Variants in LYSMD4 observed in about 807,000 individuals in gnomAD.
LYSMD4 encodes the protein lysM and putative peptidoglycan-binding domain-containing protein 4.
LYSMD4 carries 9 observed loss-of-function variants against 6.1 expected under a neutral mutation model. The ratio of observed to expected loss-of-function variants is 1.47; its 90% CI spans 0.88 to 2.56. LYSMD4 has a LOEUF of 2.56. LYSMD4 is among the 30% of genes most tolerant of loss of function. LYSMD4 has a pLI of 0.00. For missense variants in LYSMD4, 384 were observed against 373.5 expected, an observed-to-expected ratio of 1.03 and a Z score of -0.23; for synonymous variants, 143 against 148.5, an observed-to-expected ratio of 0.96 and a Z score of 0.27.
chr15:99,729,146 G>C lies in LYSMD4; in HGVS notation c.868C>G (p.Gln290Glu), dbSNP rs1157609839. ...AVTSADSQFS[Q>E]TTQAGS ...GCTTAGCTCCCCGCTTGGGTGGTCT[G>C]ACTGAACTGGCTGTCTGCAGAAGTG... The change falls in exon 3 of 3, where the codon CAG becomes GAG. Residue 290 changes from glutamine to glutamate, a missense_variant. By Grantham distance (29) the Gln-to-Glu change is conservative. Transcript: ENST00000684762. The C allele has an allele frequency of 6.2e-7, 1 of 1,613,796 alleles. No individual in the cohort carries two copies. The highest frequency in any genetic ancestry group is 8.5e-7 in the Non-Finnish European group (1 of 1,179,688).
At chr15:99,722,999 C>T (rs1268622384), downstream of LYSMD4, among the ~76,000 whole-genome samples, 1 of 151,870 alleles carries the variant, frequency 6.6e-6, no homozygotes, top group African/African-American at 2.4e-5. Flanking sequence ...CCAGTACACT[C>T]CAGCCTGGGT....
Position 99,729,215 on chromosome 15 carries a change from C to A in LYSMD4, c.799G>T (p.Val267Phe), listed in dbSNP as rs142195798. ...IPNGSMAMGTVPGQAPRLAVA... is the reference protein window; with the variant it reads ...IPNGSMAMGTFPGQAPRLAVA... ...GCTAGTCTGGGGGCTTGCCCTGGAA[C>A]TGTACCCATTGCCATCGAGCCATTG... Residue 267 changes from valine (V) to phenylalanine (F), a missense_variant, in exon 3 of 3, where the codon GTT becomes TTT. Val to Phe is a conservative substitution (Grantham distance 50). Coordinates refer to ENST00000684762, the MANE Select transcript of LYSMD4 (RefSeq NM_001284417.2). The A allele has an allele frequency of 6.2e-7, 1 of 1,614,254 alleles. No homozygotes were observed. Among genetic ancestry groups the A allele is most frequent in the Admixed American group, 1.7e-5 (1 of 60,026 alleles).
At chr15:99,721,361 G>A (rs2059236716), upstream of LYSMD4, among the ~76,000 whole-genome samples, 1 of 152,138 alleles carries the variant, frequency 6.6e-6, no homozygotes, top group Non-Finnish European at 1.5e-5. Context: ...AAGGAGCCAG[G>A]GTGACACTGC....
downstream of LYSMD4, among the ~76,000 whole-genome samples, chr15:99,723,827 G>A (rs1228819465): frequency 6.9e-6 from 1 of 144,142 alleles, no homozygotes; most frequent in Admixed American, 6.7e-5. Flanking sequence ...ACTGTGACCA[G>A]CATTCTTCAC....
At chr15:99,717,309 G>C (rs563086376) in exon 1 of LYSMD4, 6 of 152,486 alleles carry the variant, frequency 3.9e-5, no homozygotes, top group African/African-American at 1.4e-4. Flanking sequence ...TGGGTGCCTT[G>C]CTCTAGGCAG....
intron 2 of LYSMD4, among the ~76,000 whole-genome samples, chr15:99,730,337 T>C (rs1313650790): frequency 1.3e-5 from 2 of 152,218 alleles, no homozygotes; most frequent in Non-Finnish European, 2.9e-5. Flanking sequence ...TGTACTTAAC[T>C]GTCAGGAAAA....
chr15:99,732,816 CCT>C (rs1411935153), intron 1 of LYSMD4: 1 of 152,520 alleles, frequency 6.6e-6, no homozygotes, highest in East Asian at 1.9e-4. Flanking sequence ...AGCTCGACCC[CCT>C]ACTCCCCGCC....
At chr15:99,725,934 G>C (rs1446595704), downstream of LYSMD4, among the ~76,000 whole-genome samples, 1 of 152,146 alleles carries the variant, frequency 6.6e-6, no homozygotes, top group Admixed American at 6.5e-5. Flanking sequence ...TCTGTAAACT[G>C]GGGATAGAAG....
chr15:99,727,920 C>T lies in LYSMD4; in HGVS notation c.*1203G>A, dbSNP rs1261029636. Reference sequence around the variant, plus strand: ...ACCCCTCCATGCCACAGGGCAGCACCAACTCCCAAGTAGTAGCAGGCTCTG... The same window carrying T: ...ACCCCTCCATGCCACAGGGCAGCACTAACTCCCAAGTAGTAGCAGGCTCTG... On this transcript the variant is annotated 3_prime_UTR_variant, in exon 3 of 3. Coordinates refer to ENST00000684762, the MANE Select transcript of LYSMD4 (RefSeq NM_001284417.2). 6.6e-6 allele frequency: 1 copy of T among 152,500 alleles called. No individual in the cohort carries two copies. Among genetic ancestry groups the T allele is most frequent in the East Asian group, 1.9e-4 (1 of 5,200 alleles). The allele number at this position is 152,500 out of a possible 1,614,324, so 9.4% of individuals were successfully genotyped here. A position where few individuals can be genotyped will look rare whatever the true frequency, so the allele number is the denominator to read the frequency against.
chr15:99,717,002 G>A (rs1267738752), exon 1 of LYSMD4: 2 of 246,790 alleles, frequency 8.1e-6, no homozygotes, highest in Non-Finnish European at 1.7e-5. Context: ...AGTGTTAGGT[G>A]TACGTCCCAG....
At chr15:99,731,082 G>T in intron 2 of LYSMD4, 2 of 1,208,736 alleles carry the variant, frequency 1.7e-6, no homozygotes, top group Non-Finnish European at 1.2e-6. Context: ...CCTAGAGAAG[G>T]CCATACAAAT....
intron 2 of LYSMD4, chr15:99,731,426 G>A (rs1169273146): frequency 4.4e-6 from 7 of 1,607,012 alleles, no homozygotes; most frequent in Admixed American, 1.7e-5. Flanking sequence ...AAATGTGCTC[G>A]AAAGAAGAAA....
rs753151527 is a variant in LYSMD4 at position 99,729,224 on chromosome 15, T to A, written c.790A>T (p.Met264Leu). 17 of 1,614,108 alleles carry A rather than the reference T, an allele frequency of 1.1e-5. No individual in the cohort carries two copies. The highest frequency in any genetic ancestry group is 1.4e-5 in the Non-Finnish European group (17 of 1,180,038). The change falls in exon 3 of 3, where the codon ATG becomes TTG. Residue 264 changes from methionine (M) to leucine (L), a missense_variant. Coordinates refer to ENST00000684762, the MANE Select transcript of LYSMD4 (RefSeq NM_001284417.2). ...TTVIPNGSMA[M>L]GTVPGQAPRL... ...GGGGCTTGCCCTGGAACTGTACCCA[T>A]TGCCATCGAGCCATTGGGGATGACA...
At position 99,729,371 on chromosome 15, in the gene LYSMD4, C is replaced by T. The variant is rs2059345181; in HGVS notation, c.643G>A (p.Gly215Ser). ...PKTPMDGADCGIQWWNAVFIM... is the reference protein window; with the variant it reads ...PKTPMDGADCSIQWWNAVFIM... ...AAAACAGCATTCCACCACTGAATGCCACAATCTGCACCATCCATAGGCGTC... is the reference window on the plus strand; with the variant it reads ...AAAACAGCATTCCACCACTGAATGCTACAATCTGCACCATCCATAGGCGTC... Residue 215 changes from glycine to serine, a missense_variant, in exon 3 of 3, where the codon GGC (glycine) becomes AGC (serine). By Grantham distance (56) the Gly-to-Ser change is moderately conservative. Coordinates refer to ENST00000684762, the MANE Select transcript of LYSMD4 (RefSeq NM_001284417.2). The T allele has an allele frequency of 1.2e-6, 2 of 1,614,238 alleles. No homozygotes were observed. Among genetic ancestry groups the T allele is most frequent in the Non-Finnish European group, 1.7e-6 (2 of 1,180,042 alleles).
chr15:99,719,851 G>C (rs941746307), upstream of LYSMD4, among the ~76,000 whole-genome samples: 30 of 152,264 alleles, frequency 2.0e-4, no homozygotes, highest in African/African-American at 6.7e-4. Context: ...CCAACAGAGT[G>C]CAGTCCTATT....
At chr15:99,731,103 G>T in intron 2 of LYSMD4, 1 of 1,430,182 alleles carries the variant, frequency 7.0e-7, no homozygotes, top group Non-Finnish European at 9.9e-7. Flanking sequence ...CTGTAGCACA[G>T]TGTTAGCAAA....
Position 99,731,922 on chromosome 15 carries a change from G to A in LYSMD4, c.78C>T (p.Tyr26=). 1 of 1,613,270 alleles carries A rather than the reference G, an allele frequency of 6.2e-7. No individual in the cohort carries two copies. Among genetic ancestry groups the A allele is most frequent in the Middle Eastern group, 1.7e-4 (1 of 6,056 alleles). ...AGTCCCCACTGCCATTCTTAAACAT[G>A]TATACGTGGCTGGTCGGAGTCCCAC... ...VVCGTPTSHV[Y]MFKNGSGDSG... is the part of the protein sequence containing the mutation. The change falls in exon 2 of 3, where the codon TAC becomes TAT. Residue 26 remains tyrosine (Y), a synonymous_variant. Coordinates refer to ENST00000684762, the MANE Select transcript of LYSMD4 (RefSeq NM_001284417.2).
In LYSMD4 at chr15:99,729,478, C is replaced by T. The variant is rs201793909; in HGVS notation, c.536G>A (p.Arg179His). 316 of 1,614,150 alleles carry T rather than the reference C, an allele frequency of 2.0e-4. 2 individuals carry two copies. Among genetic ancestry groups the T allele is most frequent in the East Asian group, 1.3e-4 (6 of 44,884 alleles). The stretch of plus-strand genomic sequence containing the variant: ...TAGAAAGATTTCTGACTGCACTGCA[C>T]GCTCAATATCCTGGTCAATCCCCTT... ...FFKGIDQDIE[R>H]AVQSEIFLHE... Residue 179 changes from arginine to histidine, a missense_variant, in exon 3 of 3, where the codon CGT becomes CAT. Transcript: ENST00000684762.
At chr15:99,719,016 T>A (rs1231041855), upstream of LYSMD4, among the ~76,000 whole-genome samples, 1 of 152,238 alleles carries the variant, frequency 6.6e-6, no homozygotes, top group African/African-American at 2.4e-5. Context: ...CATTTGTAAC[T>A]TCTTTCTCCT....
Sources: gnomAD v4.1 joint callset for allele counts (sites outside exome capture counted in the v4.1 genomes callset) on GRCh38, gnomAD v4.1.1 for gene constraint, MANE v1.5 for transcripts, NCBI Gene and HGNC (gene_info 2026-07-23, HGNC 2026-07-21) for gene names.